The following ATAD2B variants were observed in gnomAD, a reference collection of about 807,000 sequenced individuals.
ATAD2B encodes the protein ATPase family AAA domain-containing protein 2B.
Under a neutral mutation model 167.6 loss-of-function variants are expected in ATAD2B, and 40 were observed. The ratio of observed to expected loss-of-function variants is 0.24; its 90% CI spans 0.19 to 0.31. The LOEUF is 0.31. ATAD2B is among the 10% of genes least tolerant of loss of function. The pLI is 1.00. For synonymous variants in ATAD2B, 579 were observed against 596.5 expected (o/e 0.97, Z 0.43); for missense variants, 1,242 against 1,757.2 (o/e 0.71, Z 5.24).
At chr2:23,760,867 C>T (rs143181364) in intron 24 of ATAD2B, among the ~76,000 whole-genome samples, 2 of 151,848 alleles carry the variant, frequency 1.3e-5, no homozygotes, top group African/African-American at 4.8e-5. Flanking sequence ...GTTTCCAAAA[C>T]TAAGGCCTTA....
At chr2:23,684,234 T>C in the ATAD2B span, among the ~76,000 whole-genome samples, 1 of 152,174 alleles carries the variant, frequency 6.6e-6, no homozygotes, top group Non-Finnish European at 1.5e-5. This position sits in a 1 kb window ranked among gnomAD's most constrained non-coding sequence, Gnocchi z 4.4. Flanking sequence ...TGCATTATGT[T>C]TGTGACTTCT....
intron 19 of ATAD2B, among the ~76,000 whole-genome samples, chr2:23,791,078 C>A (rs80155788): frequency 1.2e-3 from 183 of 152,318 alleles, no homozygotes; most frequent in African/African-American, 4.3e-3. Context: ...TGCCTGGCTT[C>A]TGTCACTTAA....
chr2:23,804,525 A>G (rs1331990684), intron 18 of ATAD2B, among the ~76,000 whole-genome samples: 1 of 152,116 alleles, frequency 6.6e-6, no homozygotes, highest in Non-Finnish European at 1.5e-5. Flanking sequence ...GTGAGTTTTC[A>G]TTGTTTTTCA....
chr2:23,806,765 G>A lies in ATAD2B; in HGVS notation c.2454+3551C>T, dbSNP rs144573017. On this transcript the variant is annotated intron_variant, in intron 18 of 27. Coordinates refer to ENST00000238789, the MANE Select transcript of ATAD2B (RefSeq NM_017552.4). ...CACGATTATAACTAACTTTCATTGA[G>A]GACTATATGTCAAGCCTATTTGATA... Among the ~76,000 whole-genome samples the A allele has an allele frequency of 3.4e-3, 515 of 152,206 alleles. 4 individuals are homozygous for A. Among genetic ancestry groups the A allele is most frequent in the African/African-American group, 0.011 (477 of 41,532 alleles).
At chr2:23,745,736 C>T (rs1172597055), downstream of ATAD2B, among the ~76,000 whole-genome samples, 2 of 152,222 alleles carry the variant, frequency 1.3e-5, no homozygotes, top group Non-Finnish European at 2.9e-5. Flanking sequence ...CAGTTGTCTG[C>T]TGCTACTAAT....
chr2:23,699,976 C>A, the ATAD2B span, among the ~76,000 whole-genome samples: 4 of 152,220 alleles, frequency 2.6e-5, no homozygotes, highest in South Asian at 8.3e-4. Context: ...CAAGAACTTG[C>A]TCACCTTCCT....
intron 4 of ATAD2B, among the ~76,000 whole-genome samples, chr2:23,886,846 G>A (rs1199755667): frequency 6.6e-6 from 1 of 151,168 alleles, no homozygotes; most frequent in African/African-American, 2.4e-5. Context: ...CATGAGAATG[G>A]CATGAACTGA....
At position 23,888,358 on chromosome 2, in the gene ATAD2B, C is replaced by T; in HGVS notation, c.410G>A (p.Ser137Asn). 6.3e-7 allele frequency: 1 copy of T among 1,589,780 alleles called. No individual in the cohort carries two copies. The highest frequency in any genetic ancestry group is 8.6e-7 in the Non-Finnish European group (1 of 1,168,220). Residue 137 changes from serine to asparagine, a missense_variant, in exon 3 of 28, where the codon AGT becomes AAT. Around this residue, in one of 9 missense-constraint regions of ATAD2B, gnomAD observed 199 missense variants for 194.9 expected, o/e 1.02. Coordinates refer to ENST00000238789, the MANE Select transcript of ATAD2B (RefSeq NM_017552.4). ...QPGATLPNGH[S>N]GLSLRSHPLR... ...TATAATAGAATACTCACATAAGCCA[C>T]TATGTCCATTTGGTAATGTAGCACC...
chr2:23,737,480 G>C, the ATAD2B span, among the ~76,000 whole-genome samples: 17 of 152,326 alleles, frequency 1.1e-4, no homozygotes, highest in South Asian at 3.5e-3. Context: ...ACCTGCAGCT[G>C]AGGGTCCTCT....
intron 20 of ATAD2B, 108 bp from the exon 21 acceptor site, chr2:23,786,331 T>C (rs1297422662): frequency 3.2e-6 from 3 of 939,740 alleles, no homozygotes; most frequent in South Asian, 1.8e-5. Flanking sequence ...AATACAGTCA[T>C]GTGTTGCTTA....
At chr2:23,772,077 G>A (rs1678411857) in intron 22 of ATAD2B, among the ~76,000 whole-genome samples, 1 of 152,040 alleles carries the variant, frequency 6.6e-6, no homozygotes, top group African/African-American at 2.4e-5. Context: ...ACTGTCCTGT[G>A]TTGCCTGGTG....
chr2:23,825,882 C>T (rs1035880582), intron 15 of ATAD2B, among the ~76,000 whole-genome samples: 2 of 152,110 alleles, frequency 1.3e-5, no homozygotes, highest in African/African-American at 4.8e-5. Context: ...ATGTTAATTA[C>T]ATATATAACA....
intron 13 of ATAD2B, among the ~76,000 whole-genome samples, chr2:23,850,566 C>G (rs1187543502): frequency 6.6e-6 from 1 of 152,146 alleles, no homozygotes; most frequent in South Asian, 2.1e-4. Flanking sequence ...AAACTACATA[C>G]TGTTTGAGTC....
intron 1 of ATAD2B, among the ~76,000 whole-genome samples, chr2:23,922,685 GA>G (rs1316070424): frequency 7.7e-6 from 1 of 130,100 alleles, no homozygotes; most frequent in African/African-American, 3.0e-5. Context: ...CTGGGCATCA[GA>G]GTAAGACTCT....
At chr2:23,738,161 A>C in the ATAD2B span, among the ~76,000 whole-genome samples, 3 of 152,254 alleles carry the variant, frequency 2.0e-5, no homozygotes, top group Non-Finnish European at 4.4e-5. Flanking sequence ...CCAATCTAGC[A>C]AGGCAGGCCA....
intron 22 of ATAD2B, among the ~76,000 whole-genome samples, chr2:23,769,365 A>G (rs986243095): frequency 6.6e-6 from 1 of 152,028 alleles, no homozygotes; most frequent in African/African-American, 2.4e-5. Flanking sequence ...GCTTGAACCC[A>G]GGAGGCAGAG....
the ATAD2B span, among the ~76,000 whole-genome samples, chr2:23,687,754 C>T: frequency 9.0e-4 from 137 of 152,182 alleles, 3 homozygotes; most frequent in East Asian, 0.025. Flanking sequence ...GGTCGAAAGG[C>T]GGGAGGGGGT....
intron 19 of ATAD2B, among the ~76,000 whole-genome samples, chr2:23,797,057 CA>C (rs1413342991): frequency 6.6e-6 from 1 of 151,996 alleles, no homozygotes; most frequent in Non-Finnish European, 1.5e-5. Context: ...ATTTTCCTTA[CA>C]AAAAGCAGTA....
chr2:23,859,371 AT>A (rs2149997851), intron 12 of ATAD2B, among the ~76,000 whole-genome samples: 1 of 152,138 alleles, frequency 6.6e-6, no homozygotes, highest in Admixed American at 6.5e-5. Context: ...GTGCAGTGAC[AT>A]AATCACAGCT....
Sources: allele counts gnomAD v4.1 joint callset (sites outside exome capture counted in the v4.1 genomes callset), GRCh38; gene constraint gnomAD v4.1.1; regional missense constraint gnomAD v4.1.1; non-coding constraint Gnocchi (gnomAD v3.1); transcripts MANE v1.5; gene names NCBI Gene and HGNC (gene_info 2026-07-23, HGNC 2026-07-21).